The following ABCC11 variants were observed in gnomAD, a reference collection of about 807,000 sequenced individuals.
ABCC11 encodes ATP binding cassette subfamily C member 11.
In ABCC11, 135 loss-of-function variants were observed where a neutral mutation model predicts 149.3. The ratio of observed to expected loss-of-function variants is 0.90; its 90% CI spans 0.79 to 1.04. The LOEUF (loss-of-function observed/expected upper bound fraction) is 1.04, where lower values mean the gene tolerates loss of function less well. Ranked by LOEUF, ABCC11 falls within the 50% of genes least tolerant of loss-of-function variation. The probability of loss-of-function intolerance (pLI) is 0.00; values close to 1 mark genes in which losing one functional copy is unlikely to be tolerated. For missense variants in ABCC11, 1,680 were observed against 1,722.1 expected (o/e 0.98, Z 0.43); for synonymous variants, 665 against 671.4 (o/e 0.99, Z 0.15).
chr16:48,212,870 G>A (rs1485217053), intron 10 of ABCC11, among the ~76,000 whole-genome samples: 1 of 152,206 alleles, frequency 6.6e-6, no homozygotes, highest in Non-Finnish European at 1.5e-5. Context: ...ATGTAAATAA[G>A]TGAAGTGGAC....
intron 28 of ABCC11, among the ~76,000 whole-genome samples, chr16:48,168,693 T>C (rs1325251175): frequency 6.6e-6 from 1 of 152,170 alleles, no homozygotes; most frequent in Non-Finnish European, 1.5e-5. Flanking sequence ...TTTTTAAAAA[T>C]ATGCAATTTT....
intron 6 of ABCC11, among the ~76,000 whole-genome samples, chr16:48,220,298 A>T (rs1401579038): frequency 6.6e-6 from 1 of 152,206 alleles, no homozygotes; most frequent in Non-Finnish European, 1.5e-5. Flanking sequence ...TGTACAAGTT[A>T]CCTACCCTTT....
Position 48,211,068 on chromosome 16 carries a change from C to T in ABCC11, c.1488G>A (p.Glu496=), listed in dbSNP as rs371014296. The change falls in exon 11 of 30, where the codon GAG becomes GAA. Residue 496 remains glutamate (E), a synonymous_variant. Transcript: ENST00000356608. The part of the protein sequence containing the change: ...TCPGIVNGAL[E]LERNGHASEG... The stretch of plus-strand genomic sequence containing the variant: ...CAGAAGCATGCCCGTTCCTCTCCAG[C>T]TCCAGTGCCCCATTGACGATCCCGG... 3.2e-5 allele frequency: 51 copies of T among 1,614,212 alleles called. No individual in the cohort carries two copies. The African/African-American group carries it at 5.6e-4, about 18-fold the overall frequency.
intron 1 of ABCC11, among the ~76,000 whole-genome samples, chr16:48,236,308 G>A (rs1442405769): frequency 1.3e-5 from 2 of 152,142 alleles, no homozygotes; most frequent in African/African-American, 4.8e-5. Flanking sequence ...CCTCCTTGCA[G>A]AGCTGGTTCA....
chr16:48,215,100 C>T, intron 8 of ABCC11, 71 bp from the exon 9 acceptor site: 2 of 1,586,302 alleles, frequency 1.3e-6, no homozygotes, highest in South Asian at 1.1e-5. Context: ...GCACCATCCC[C>T]AAAGCATTAA....
intron 5 of ABCC11, chr16:48,223,638 C>G (rs1969891576): frequency 6.5e-6 from 1 of 152,824 alleles, no homozygotes. Flanking sequence ...GCAGTCTAGG[C>G]TGGACTGTAA....
At chr16:48,231,090 C>T (rs1209076759) in intron 2 of ABCC11, among the ~76,000 whole-genome samples, 1 of 151,990 alleles carries the variant, frequency 6.6e-6, no homozygotes, top group African/African-American at 2.4e-5. Context: ...ATAGTGGTTA[C>T]ATCAGGTAGG....
intron 6 of ABCC11, 44 bp from the exon 7 acceptor site, chr16:48,216,331 G>T: frequency 6.3e-6 from 10 of 1,588,258 alleles, no homozygotes; most frequent in South Asian, 1.1e-5. Context: ...ACCTCCCTGG[G>T]TACACAGAAG....
At chr16:48,205,335 G>T in intron 13 of ABCC11, 78 bp downstream of exon 13, 2 of 1,581,846 alleles carry the variant, frequency 1.3e-6, no homozygotes, top group Non-Finnish European at 1.7e-6. Flanking sequence ...GCAGTTGTCA[G>T]GTTACCGTTT....
Position 48,216,205 on chromosome 16 carries a change from G to A in ABCC11, c.860C>T (p.Ser287Leu), listed in dbSNP as rs772416830. The A allele has an allele frequency of 9.9e-6, 16 of 1,613,994 alleles. 1 individual carries two copies. Among genetic ancestry groups the A allele is most frequent in the South Asian group, 9.9e-5 (9 of 91,082 alleles). ...YGPLVLITCASLVICSISSYF... is the reference protein window; with the variant it reads ...YGPLVLITCALLVICSISSYF... Reference sequence around the variant, plus strand: ...GGAAGAAATGCTGCAGATGACCAGCGATGCGCAGGTGATCAGTACTAGGGG... The same window carrying A: ...GGAAGAAATGCTGCAGATGACCAGCAATGCGCAGGTGATCAGTACTAGGGG... Residue 287 changes from serine to leucine, a missense_variant, in exon 7 of 30, where the codon TCG becomes TTG. By Grantham distance (145) the Ser-to-Leu change is moderately radical. Transcript: ENST00000356608.
At position 48,171,184 on chromosome 16, in the gene ABCC11, A is replaced by T. The variant is rs543926118; in HGVS notation, c.3699-217T>A. ...TTTGTTTAGGGGCCACCTCCTCCCCAGTCCCCCAGCCCATGTGTTCCAGGG... is the reference window on the plus strand; with the variant it reads ...TTTGTTTAGGGGCCACCTCCTCCCCTGTCCCCCAGCCCATGTGTTCCAGGG... On this transcript the variant is annotated intron_variant, in intron 26 of 29. Transcript: ENST00000356608. Among the ~76,000 whole-genome samples, 5 of 152,300 alleles carry T rather than the reference A, an allele frequency of 3.3e-5. No homozygotes were observed. The South Asian group carries it at 1.0e-3, about 32-fold the overall frequency.
rs187974587 is a variant in ABCC11, at chr16:48,224,560, C to T, written c.396-131G>A. The T allele has an allele frequency of 2.2e-4, 211 of 970,868 alleles. No homozygotes were observed. The African/African-American group carries it at 3.1e-3, about 14-fold the overall frequency. The allele number at this position is 970,868 out of a possible 1,614,324, so 60.1% of individuals were successfully genotyped here. ...CAGAATAGAACAATGTAGTAATCTT[C>T]TGAGTACTCATCCCCCTTTCCAGAA... is the stretch of plus-strand genomic sequence containing the variant. On this transcript the variant is annotated intron_variant, in intron 4 of 29. Transcript: ENST00000356608.
At chr16:48,192,057 A>T (rs1966970201) in intron 20 of ABCC11, among the ~76,000 whole-genome samples, 1 of 152,104 alleles carries the variant, frequency 6.6e-6, no homozygotes, top group South Asian at 2.1e-4. Context: ...CCAATGTGGG[A>T]GGATTGCATT....
At chr16:48,235,199 G>C (rs1970626447) in intron 1 of ABCC11, 1 of 150,848 alleles carries the variant, frequency 6.6e-6, no homozygotes, top group Admixed American at 6.6e-5. Context: ...GGTAACGAAG[G>C]TTTCACAACT....
chr16:48,171,038 T>C, intron 26 of ABCC11, 71 bp from the exon 27 acceptor site: 6 of 1,274,858 alleles, frequency 4.7e-6, no homozygotes, highest in Non-Finnish European at 6.9e-6. Context: ...ATATGCCCAG[T>C]GAATGACCAA....
intron 19 of ABCC11, among the ~76,000 whole-genome samples, chr16:48,193,301 C>T (rs966890482): frequency 6.6e-6 from 1 of 152,158 alleles, no homozygotes; most frequent in Non-Finnish European, 1.5e-5. Context: ...CCTCCTGGTA[C>T]ACGATCCAGA....
Position 48,196,218 on chromosome 16 carries a change from C to T in ABCC11, c.2404+14G>A. The stretch of plus-strand genomic sequence containing the variant: ...GCTCCAAGAGAGAGCCCTGGGCTGG[C>T]ATGGGGACCGTACCTCCAGCTGCCT... On this transcript the variant is annotated intron_variant, in intron 18 of 29. Transcript: ENST00000356608. The T allele has an allele frequency of 6.2e-7, 1 of 1,613,840 alleles. No homozygotes were observed. The highest frequency in any genetic ancestry group is 8.5e-7 in the Non-Finnish European group (1 of 1,179,842).
chr16:48,172,470 G>A (rs1353786944), intron 26 of ABCC11, among the ~76,000 whole-genome samples: 7 of 146,536 alleles, frequency 4.8e-5, no homozygotes, highest in African/African-American at 1.5e-4. Flanking sequence ...CTCTGTCTAC[G>A]AGGCTGGAGT....
chr16:48,212,312 A>G (rs1224180141), intron 10 of ABCC11, among the ~76,000 whole-genome samples: 3 of 152,042 alleles, frequency 2.0e-5, no homozygotes, highest in African/African-American at 4.8e-5. Context: ...GCCCTCCCCA[A>G]CTTACTCCCT....
Sources: allele counts gnomAD v4.1 joint callset (sites outside exome capture counted in the v4.1 genomes callset), GRCh38; gene constraint gnomAD v4.1.1; transcripts MANE v1.5; gene names NCBI Gene and HGNC (gene_info 2026-07-23, HGNC 2026-07-21).